Variants in EBF4 observed in about 807,000 individuals in gnomAD.
The protein encoded by EBF4 is transcription factor COE4.
In EBF4, 34 loss-of-function variants were observed where a neutral mutation model predicts 67.1. The observed-to-expected ratio is 0.51, with a 90% CI of 0.39 to 0.67. EBF4 has a LOEUF of 0.67. Ranked by LOEUF, EBF4 falls within the 30% of genes least tolerant of loss-of-function variation. EBF4 has a pLI of 0.00. For synonymous variants in EBF4, 387 were observed against 377.7 expected, an observed-to-expected ratio of 1.02 and a Z score of -0.29; for missense variants, 837 against 873.3, an observed-to-expected ratio of 0.96 and a Z score of 0.52.
At position 2,756,911 on chromosome 20, in the gene EBF4, A is replaced by T. The variant is rs1568590946; in HGVS notation, c.1738+1087A>T. ...AACCTTCTAGGAAACAGGAGATGCA[A>T]ATTTATTTGAGCACAAAAATGTATT... On this transcript the variant is annotated intron_variant, in intron 15 of 16. Transcript: ENST00000609451. The surrounding 1 kb of genome is among the most constrained non-coding windows in gnomAD (Gnocchi z 4.5). 6.6e-6 allele frequency among the ~76,000 whole-genome samples: 1 copy of T among 152,210 alleles called. No individual in the cohort carries two copies. Among genetic ancestry groups the T allele is most frequent in the Non-Finnish European group, 1.5e-5 (1 of 68,040 alleles).
At chr20:2,701,006 G>C (rs764504738) in intron 1 of EBF4, among the ~76,000 whole-genome samples, 40 of 152,208 alleles carry the variant, frequency 2.6e-4, no homozygotes, top group Non-Finnish European at 5.3e-4. Context: ...CCCAGGCAAG[G>C]GGCAGCCCCA....
chr20:2,732,361 A>G (rs1374359498), intron 6 of EBF4, among the ~76,000 whole-genome samples: 1 of 152,160 alleles, frequency 6.6e-6, no homozygotes, highest in African/African-American at 2.4e-5. Flanking sequence ...GATTCAAGCA[A>G]TCTGCCTGCC....
chr20:2,696,520 C>T lies in EBF4; in HGVS notation c.137+2738C>T, dbSNP rs1398280550. 6.6e-6 allele frequency among the ~76,000 whole-genome samples: 1 copy of T among 152,086 alleles called. No individual in the cohort carries two copies. The highest frequency in any genetic ancestry group is 1.5e-5 in the Non-Finnish European group (1 of 68,006). ...AAATAAAATAAAATAAAGTGACCAA[C>T]CCCCAAGCCCCACTGCTTCCTCATG... On this transcript the variant is annotated intron_variant, in intron 1 of 16. Transcript: ENST00000609451. The surrounding 1 kb of genome is among the most constrained non-coding windows in gnomAD (Gnocchi z 4.7).
intron 6 of EBF4, 105 bp downstream of exon 6, chr20:2,709,747 C>T: frequency 8.5e-7 from 1 of 1,175,780 alleles, no homozygotes; most frequent in Non-Finnish European, 1.1e-6. Context: ...GGAGCAGCCC[C>T]CCCGGGGCAC....
chr20:2,748,025 G>A (rs532281581), intron 6 of EBF4, among the ~76,000 whole-genome samples: 1 of 152,156 alleles, frequency 6.6e-6, no homozygotes, highest in Non-Finnish European at 1.5e-5. Context: ...TGTACATGGT[G>A]TGGGTGATGG....
At chr20:2,719,813 G>C (rs868705795) in intron 6 of EBF4, among the ~76,000 whole-genome samples, 7 of 152,160 alleles carry the variant, frequency 4.6e-5, no homozygotes, top group Admixed American at 4.6e-4. Flanking sequence ...CATAGAATAT[G>C]GCCCACGTTG....
chr20:2,755,777 G>A lies in EBF4; in HGVS notation c.1691G>A (p.Ser564Asn). ...TTCGCCCCCGTGCTGCGCCCCCCAA[G>A]CTCCCCACCCCAGGCCTGCCCCAGA... The change falls in exon 15 of 17, where the codon AGC becomes AAC. Residue 564 changes from serine to asparagine, a missense_variant. Ser to Asn is a conservative substitution (Grantham distance 46, BLOSUM62 1). Coordinates refer to ENST00000609451, the Ensembl canonical transcript of EBF4. This position sits in a 1 kb window ranked among gnomAD's most constrained non-coding sequence, Gnocchi z 4.7. 6.5e-7 allele frequency: 1 copy of A among 1,549,726 alleles called. No homozygotes were observed. The highest frequency in any genetic ancestry group is 8.7e-7 in the Non-Finnish European group (1 of 1,146,898).
chr20:2,708,086 C>G, intron 5 of EBF4, 66 bp downstream of exon 5: 2 of 1,497,274 alleles, frequency 1.3e-6, no homozygotes, highest in Admixed American at 2.0e-5. Context: ...TCTACCCAGG[C>G]CCTGCCCCCT....
intron 14 of EBF4, chr20:2,754,977 C>CCCGCCAGGGCCCAGG (rs1555789872): frequency 1.0e-5 from 1 of 96,244 alleles, no homozygotes; most frequent in African/African-American, 3.0e-5. Context: ...ACCACCCCCC[C>CCCGCCAGGGCCCAGG]CCACAGGGCC....
intron 8 of EBF4, 40 bp downstream of exon 8, chr20:2,749,558 GC>G: frequency 1.3e-6 from 2 of 1,538,464 alleles, no homozygotes; most frequent in Non-Finnish European, 1.8e-6. Context: ...CGCGGGCCCA[GC>G]CAGCCCCCCA....
At chr20:2,724,205 C>A (rs1284400645) in intron 6 of EBF4, among the ~76,000 whole-genome samples, 1 of 152,182 alleles carries the variant, frequency 6.6e-6, no homozygotes, top group Non-Finnish European at 1.5e-5. Context: ...AAATCAACAA[C>A]ACTATAAATC....
intron 1 of EBF4, among the ~76,000 whole-genome samples, chr20:2,698,074 C>T (rs1051920344): frequency 1.3e-5 from 2 of 152,206 alleles, no homozygotes; most frequent in African/African-American, 4.8e-5. Context: ...AGAGGGTGGG[C>T]AGAGAGCAGT....
Position 2,751,689 on chromosome 20 carries a change from C to T in EBF4, c.1019-11C>T. The T allele has an allele frequency of 6.4e-7, 1 of 1,550,702 alleles. No individual in the cohort carries two copies. The highest frequency in any genetic ancestry group is 8.7e-7 in the Non-Finnish European group (1 of 1,146,788). On this transcript the variant is annotated splice_polypyrimidine_tract_variant and intron_variant, in intron 10 of 16. Transcript: ENST00000609451. The surrounding 1 kb of genome is among the most constrained non-coding windows in gnomAD (Gnocchi z 5.2). ...GGGGAGACGTCCTCCAAACGCCGCC[C>T]CCTTCCCCAGCTCTGAACGAGCCCA...
intron 5 of EBF4, 56 bp from the exon 6 acceptor site, chr20:2,709,518 C>T (rs547363295): frequency 2.2e-5 from 33 of 1,498,662 alleles, no homozygotes; most frequent in Admixed American, 4.0e-5. Flanking sequence ...CACACACTGT[C>T]GTGGCCCCCT....
intron 6 of EBF4, among the ~76,000 whole-genome samples, chr20:2,740,627 T>A (rs2146472958): frequency 6.6e-6 from 1 of 152,332 alleles, no homozygotes; most frequent in Non-Finnish European, 1.5e-5. Flanking sequence ...GCCTTAGCTC[T>A]GTGACCTAAG....
chr20:2,701,204 T>C (rs1034058973), intron 1 of EBF4, among the ~76,000 whole-genome samples: 4 of 152,176 alleles, frequency 2.6e-5, no homozygotes, highest in Admixed American at 2.6e-4. Flanking sequence ...CACTGAGCCG[T>C]GCTGGGGAAG....
chr20:2,738,736 G>A (rs2087924821), intron 6 of EBF4, among the ~76,000 whole-genome samples: 1 of 152,124 alleles, frequency 6.6e-6, no homozygotes. Context: ...GGTTTGGAGA[G>A]CCTAGTAAGT....
Position 2,709,555 on chromosome 20 carries a change from T to C in EBF4, c.489-19T>C. 1 of 1,545,144 alleles carries C rather than the reference T, an allele frequency of 6.5e-7. No homozygotes were observed. The highest frequency in any genetic ancestry group is 8.7e-7 in the Non-Finnish European group (1 of 1,143,138). On this transcript the variant is annotated intron_variant, in intron 5 of 16. Transcript: ENST00000609451. ...CTTCCTTGGCTTCTGCCTTCCCTCC[T>C]TCCTCATCTTTCCTTCAGCCGGTGC...
At chr20:2,724,517 C>T (rs1206117430) in intron 6 of EBF4, among the ~76,000 whole-genome samples, 6 of 152,158 alleles carry the variant, frequency 3.9e-5, no homozygotes, top group Middle Eastern at 3.4e-3. Context: ...TGTATGACTC[C>T]GTTTCTTGAA....
Sources: gnomAD v4.1 joint callset for allele counts (sites outside exome capture counted in the v4.1 genomes callset) on GRCh38, gnomAD v4.1.1 for gene constraint, Gnocchi (gnomAD v3.1) non-coding constraint, MANE v1.5 for transcripts, NCBI Gene and HGNC (gene_info 2026-07-23, HGNC 2026-07-21) for gene names.